C4orf50: variants seen among roughly 807,000 people sequenced by gnomAD.
C4orf50 encodes uncharacterized protein C4orf50.
C4orf50 carries 80 observed loss-of-function variants against 77.2 expected under a neutral mutation model. The observed-to-expected ratio is 1.04, with a 90% CI of 0.87 to 1.25. The LOEUF is 1.25. Among genes scored for constraint, C4orf50 ranks in the 50% most tolerant of loss-of-function variants. The pLI, the probability that C4orf50 is intolerant of heterozygous loss-of-function variation, is 0.00. For missense variants in C4orf50, 1,257 were observed against 1,152.9 expected (o/e 1.09, Z -1.31); for synonymous variants, 532 against 465.3 (o/e 1.14, Z -1.84).
intron 7 of C4orf50, among the ~76,000 whole-genome samples, chr4:5,929,933 C>T (rs567362665): frequency 4.6e-5 from 7 of 152,296 alleles, no homozygotes; most frequent in South Asian, 2.1e-4. Flanking sequence ...TTATTGGGCT[C>T]TACTAGAGAT....
chr4:6,016,737 A>C (rs1364934771), intron 23 of C4orf50, among the ~76,000 whole-genome samples: 1 of 152,156 alleles, frequency 6.6e-6, no homozygotes, highest in Non-Finnish European at 1.5e-5. Flanking sequence ...GAATGAATGA[A>C]AGAATGGGCA....
chr4:5,924,653 G>A (rs1031772406), intron 7 of C4orf50, among the ~76,000 whole-genome samples: 17 of 152,210 alleles, frequency 1.1e-4, no homozygotes, highest in African/African-American at 4.1e-4. Context: ...CCATCAGAGT[G>A]GCTGGCCGCC....
chr4:5,922,553 G>T (rs1318700662), intron 7 of C4orf50, among the ~76,000 whole-genome samples: 7 of 152,152 alleles, frequency 4.6e-5, no homozygotes, highest in Non-Finnish European at 1.0e-4. Flanking sequence ...AGGGGCAGGC[G>T]TGGCATGCCA....
At chr4:5,921,906 G>C (rs1717291918) in intron 7 of C4orf50, among the ~76,000 whole-genome samples, 1 of 152,206 alleles carries the variant, frequency 6.6e-6, no homozygotes, top group African/African-American at 2.4e-5. Flanking sequence ...TGAAGGCAGA[G>C]AAGGCTCAGC....
chr4:5,990,014 T>C lies in C4orf50; in HGVS notation c.2032A>G (p.Thr678Ala), dbSNP rs577380838. The change falls in exon 28 of 34, where the codon ACC (threonine) becomes GCC (alanine). Residue 678 changes from threonine to alanine, a missense_variant. Transcript: ENST00000531445. ...CTGTCTGTTGGCCATGGCTCTTTGG[T>C]CTCATGAGCCCTGGAGAAGGTGGCT... is the stretch of plus-strand genomic sequence containing the variant. The C allele has an allele frequency of 5.2e-5, 72 of 1,391,934 alleles. No homozygotes were observed. The Admixed American group carries it at 2.2e-3, about 42-fold the overall frequency. The allele number at this position is 1,391,934 out of a possible 1,614,324, so 86.2% of individuals were successfully genotyped here.
chr4:5,930,241 G>A (rs1717707996), intron 7 of C4orf50, among the ~76,000 whole-genome samples: 1 of 152,122 alleles, frequency 6.6e-6, no homozygotes, highest in African/African-American at 2.4e-5. Context: ...TAGATTGGAT[G>A]GTCTCTGGGC....
intron 28 of C4orf50, among the ~76,000 whole-genome samples, chr4:5,985,390 AAAAT>A (rs1465356666): frequency 1.3e-5 from 2 of 152,180 alleles, no homozygotes; most frequent in Middle Eastern, 3.4e-3. Context: ...ATATATAACA[AAAAT>A]AAATAATAAA....
rs1717816491 is a variant in C4orf50, at chr4:5,932,595, C to T, written c.*2474+24306G>A. The stretch of plus-strand genomic sequence containing the variant: ...CAACTACAGGTGCATGCAACCACGC[C>T]CAGCTAATTTTTATTTTTTAATTTT... On this transcript the variant is annotated intron_variant, in intron 7 of 7. Coordinates refer to the C4orf50 transcript ENST00000324058. The surrounding 1 kb of genome is among the most constrained non-coding windows in gnomAD (Gnocchi z 4.2). Among the ~76,000 whole-genome samples the T allele has an allele frequency of 6.6e-6, 1 of 152,148 alleles. No individual in the cohort carries two copies. Among genetic ancestry groups the T allele is most frequent in the African/African-American group, 2.4e-5 (1 of 41,432 alleles).
At chr4:5,921,330 C>T (rs1717258836) in intron 7 of C4orf50, among the ~76,000 whole-genome samples, 1 of 152,220 alleles carries the variant, frequency 6.6e-6, no homozygotes, top group Admixed American at 6.5e-5. Flanking sequence ...AAGCCAAGAG[C>T]TGCCTCCCAG....
downstream of C4orf50, among the ~76,000 whole-genome samples, chr4:5,952,845 G>A (rs535551026): frequency 2.0e-4 from 30 of 152,264 alleles, no homozygotes; most frequent in African/African-American, 6.7e-4. This position sits in a 1 kb window ranked among gnomAD's most constrained non-coding sequence, Gnocchi z 4.4. Flanking sequence ...CTCCAAGAAC[G>A]ACTCGTTTTG....
chr4:5,943,426 G>C (rs965644479), intron 7 of C4orf50, among the ~76,000 whole-genome samples: 2 of 152,190 alleles, frequency 1.3e-5, no homozygotes, highest in African/African-American at 4.8e-5. Context: ...AGCACCAGGG[G>C]TGAACTCTGG....
At chr4:5,965,645 T>C (rs925406939) in intron 32 of C4orf50, among the ~76,000 whole-genome samples, 4 of 151,938 alleles carry the variant, frequency 2.6e-5, no homozygotes, top group Admixed American at 6.6e-5. Flanking sequence ...CCAGCTAGGA[T>C]CTGTGCCTCT....
At chr4:5,948,845 C>T (rs193067853) in intron 7 of C4orf50, among the ~76,000 whole-genome samples, 77 of 150,884 alleles carry the variant, frequency 5.1e-4, no homozygotes, top group Non-Finnish European at 8.0e-4. Context: ...CCTGTATTCC[C>T]AGCTACTCGG....
At chr4:5,980,407 C>CG in intron 28 of C4orf50, 69 bp from the exon 7 acceptor site, 1 of 1,441,098 alleles carries the variant, frequency 6.9e-7, no homozygotes, top group Non-Finnish European at 9.3e-7. Context: ...AGCCAACAAA[C>CG]GGTACCCGTT....
At chr4:5,995,345 C>G (rs1721520136) in intron 25 of C4orf50, among the ~76,000 whole-genome samples, 1 of 152,204 alleles carries the variant, frequency 6.6e-6, no homozygotes, top group African/African-American at 2.4e-5. Flanking sequence ...TGCCCGGTAC[C>G]TTGGCAGCGC....
chr4:5,941,642 G>A (rs972704817), intron 7 of C4orf50, among the ~76,000 whole-genome samples: 5 of 152,128 alleles, frequency 3.3e-5, no homozygotes, highest in African/African-American at 7.2e-5. Flanking sequence ...CAGAAGACAC[G>A]GCTTCTGCTC....
chr4:5,975,525 G>A (rs556270803), intron 30 of C4orf50, among the ~76,000 whole-genome samples: 115 of 151,644 alleles, frequency 7.6e-4, no homozygotes, highest in African/African-American at 2.7e-3. Flanking sequence ...GTTTTGTTTT[G>A]TTTTGAGTCA....
exon 33 of C4orf50, chr4:5,965,105 G>C: frequency 6.2e-7 from 1 of 1,613,746 alleles, no homozygotes; most frequent in Non-Finnish European, 8.5e-7. Flanking sequence ...ATGAGCTTTG[G>C]AGGACACTGT....
rs1354594925 is a variant in C4orf50 at position 5,988,327 on chromosome 4, G to C, written c.3699+20C>G. The C allele has an allele frequency of 1.2e-6, 2 of 1,609,842 alleles. No homozygotes were observed. The highest frequency in any genetic ancestry group is 1.3e-5 in the African/African-American group (1 of 74,796). ...CAGAGTCATGCGTGATGAGTAAGCA[G>C]ATATGCAGACCCAACCTACCATGGG... On this transcript the variant is annotated intron_variant, in intron 28 of 33. Transcript: ENST00000531445.
Sources: allele counts gnomAD v4.1 joint callset (sites outside exome capture counted in the v4.1 genomes callset), GRCh38; gene constraint gnomAD v4.1.1; non-coding constraint Gnocchi (gnomAD v3.1); transcripts MANE v1.5; gene names NCBI Gene and HGNC (gene_info 2026-07-23, HGNC 2026-07-21).